TGFBR3: variants seen among roughly 807,000 people sequenced by gnomAD.
TGFBR3 encodes the protein transforming growth factor beta receptor 3, also known as transforming growth factor beta receptor type 3.
TGFBR3 carries 46 observed loss-of-function variants against 87.9 expected under a neutral mutation model. The observed-to-expected ratio is 0.52, with a 90% CI of 0.41 to 0.67. The LOEUF is 0.67. Ranked by LOEUF, TGFBR3 falls within the 30% of genes least tolerant of loss-of-function variation. The pLI, the probability that TGFBR3 is intolerant of heterozygous loss-of-function variation, is 0.00. For synonymous variants in TGFBR3, 381 were observed against 391.6 expected, an observed-to-expected ratio of 0.97 and a Z score of 0.32; for missense variants, 866 against 1,041.9, an observed-to-expected ratio of 0.83 and a Z score of 2.32.
Position 91,719,424 on chromosome 1 carries a change from G to A in TGFBR3, c.1454C>T (p.Pro485Leu). The A allele has an allele frequency of 1.2e-6, 2 of 1,614,138 alleles. No homozygotes were observed. Among genetic ancestry groups the A allele is most frequent in the Middle Eastern group, 1.6e-4 (1 of 6,062 alleles). ...GCCATTCATCTTGGCCTTGCAGGTA[G>A]GATCCAACAGGGTGACGTCCATCCC... is the stretch of plus-strand genomic sequence containing the variant. ...YSGMDVTLLDPTCKAKMNGTH... is the reference protein window; with the variant it reads ...YSGMDVTLLDLTCKAKMNGTH... The change falls in exon 10 of 17, where the codon CCT becomes CTT. Residue 485 changes from proline (P) to leucine (L), a missense_variant. Physicochemically the swap from Pro to Leu is moderately conservative, Grantham distance 98. Coordinates refer to ENST00000212355, the MANE Select transcript of TGFBR3 (RefSeq NM_003243.5).
Position 91,885,941 on chromosome 1 carries a change from T to C in TGFBR3, c.-177A>G, listed in dbSNP as rs947919386. ...AAGTTGGAGGAAAGCGGCGGCAAGT[T>C]TCCCCGCCCAGCGCTCGGCGGCGGC... On this transcript the variant is annotated 5_prime_UTR_variant, in exon 1 of 17. Coordinates refer to ENST00000212355, the MANE Select transcript of TGFBR3 (RefSeq NM_003243.5). The C allele has an allele frequency of 1.3e-5, 6 of 448,620 alleles. No homozygotes were observed. The highest frequency in any genetic ancestry group is 1.2e-4 in the Admixed American group (5 of 42,104). The allele number at this position is 448,620 out of a possible 1,614,324, so 27.8% of individuals were successfully genotyped here. A position where few individuals can be genotyped will look rare whatever the true frequency, so the allele number is the denominator to read the frequency against.
chr1:91,809,500 T>A (rs916781899), intron 2 of TGFBR3, among the ~76,000 whole-genome samples: 3 of 152,118 alleles, frequency 2.0e-5, no homozygotes, highest in Non-Finnish European at 4.4e-5. Context: ...AGTTGAATCA[T>A]CGCCTATAAC....
At chr1:91,710,946 T>C (rs1671959858) in intron 13 of TGFBR3, among the ~76,000 whole-genome samples, 1 of 152,160 alleles carries the variant, frequency 6.6e-6, no homozygotes, top group Non-Finnish European at 1.5e-5. Flanking sequence ...TTTTCCCAGA[T>C]TAACACACAT....
At chr1:91,727,594 T>C (rs1468282619) in intron 7 of TGFBR3, 65 bp downstream of exon 7, 1 of 1,600,768 alleles carries the variant, frequency 6.2e-7, no homozygotes, top group Non-Finnish European at 8.6e-7. Context: ...ATAACACTTA[T>C]AAAGTACAGC....
intron 2 of TGFBR3, among the ~76,000 whole-genome samples, chr1:91,821,419 ATG>A (rs1325246660): frequency 6.6e-6 from 1 of 152,102 alleles, no homozygotes; most frequent in African/African-American, 2.4e-5. Flanking sequence ...TACTGTGCAA[ATG>A]TGTTTTTGAA....
At position 91,681,353 on chromosome 1, in the gene TGFBR3, A is replaced by G. The variant is rs1317175187; in HGVS notation, c.*2386T>C. ...CACAGATTTCTTGATCTGAATAATA[A>G]TTCTGACAATGAGACCCAAACAAAT... is the stretch of plus-strand genomic sequence containing the variant. On this transcript the variant is annotated 3_prime_UTR_variant, in exon 17 of 17. Coordinates refer to ENST00000212355, the MANE Select transcript of TGFBR3 (RefSeq NM_003243.5). 2.3e-6 allele frequency: 1 copy of G among 442,026 alleles called. No homozygotes were observed. Among genetic ancestry groups the G allele is most frequent in the Non-Finnish European group, 4.5e-6 (1 of 223,478 alleles). The allele number at this position is 442,026 out of a possible 1,614,324, so 27.4% of individuals were successfully genotyped here.
rs148200950 is a variant in TGFBR3, at chr1:91,815,775, T to C, written c.62-18304A>G. ...ATAGAAGAGACAAATGAAATCAATC[T>C]GCTGAACAAAAAGTTTGAACTTTAA... On this transcript the variant is annotated intron_variant, in intron 2 of 16. Coordinates refer to ENST00000212355, the MANE Select transcript of TGFBR3 (RefSeq NM_003243.5). Among the ~76,000 whole-genome samples, 613 of 152,354 alleles carry C rather than the reference T, an allele frequency of 4.0e-3. 4 individuals are homozygous for C. The highest frequency in any genetic ancestry group is 5.9e-3 in the Non-Finnish European group (400 of 68,038).
intron 3 of TGFBR3, among the ~76,000 whole-genome samples, chr1:91,780,936 GATCTC>G (rs1674746839): frequency 7.1e-6 from 1 of 141,820 alleles, no homozygotes; most frequent in Non-Finnish European, 1.5e-5. Flanking sequence ...CACACACAGA[GATCTC>G]ATCTCCTGGC....
rs151120894 is a variant in TGFBR3 at position 91,846,793 on chromosome 1, T to C, written c.61+14678A>G. Among the ~76,000 whole-genome samples, 584 of 152,268 alleles carry C rather than the reference T, an allele frequency of 3.8e-3. 4 individuals carry two copies. Among genetic ancestry groups the C allele is most frequent in the South Asian group, 0.017 (81 of 4,824 alleles). ...CAAAGAGTCCTTGCATAATCCAAGA[T>C]TTCTCACTCCTATAACCTCAGTCAC... On this transcript the variant is annotated intron_variant, in intron 2 of 16. Transcript: ENST00000212355.
At chr1:91,879,485 C>T (rs964979731) in intron 1 of TGFBR3, among the ~76,000 whole-genome samples, 3 of 152,140 alleles carry the variant, frequency 2.0e-5, no homozygotes, top group Admixed American at 6.5e-5. Flanking sequence ...TTCTGGGGCT[C>T]TTGTTCTAGA....
chr1:91,829,724 C>T (rs552780338), intron 2 of TGFBR3: 175 of 152,308 alleles, frequency 1.1e-3, no homozygotes, highest in African/African-American at 4.1e-3. Flanking sequence ...AAACTCCAAA[C>T]TCAGTTGTTC....
chr1:91,839,629 T>C (rs950735528), intron 2 of TGFBR3, among the ~76,000 whole-genome samples: 5 of 152,054 alleles, frequency 3.3e-5, no homozygotes, highest in African/African-American at 1.2e-4. Context: ...ATAACCTCAA[T>C]GTAATCCTGA....
chr1:91,803,471 G>A (rs1180202408), intron 2 of TGFBR3, among the ~76,000 whole-genome samples: 1 of 152,044 alleles, frequency 6.6e-6, no homozygotes, highest in Admixed American at 6.5e-5. Flanking sequence ...ATGCTGAGGA[G>A]GGCACAGCAA....
rs185163691 is a variant in TGFBR3, at chr1:91,722,753, G to A, written c.886-609C>T. Among the ~76,000 whole-genome samples, 31 of 152,294 alleles carry A rather than the reference G, an allele frequency of 2.0e-4. No homozygotes were observed. In the East Asian group the frequency reaches 6.0e-3, roughly 29 times the overall value. On this transcript the variant is annotated intron_variant, in intron 7 of 16. Coordinates refer to ENST00000212355, the MANE Select transcript of TGFBR3 (RefSeq NM_003243.5). ...CTACACACCTAGGCTATATGGTACAGCCTACTGCTCCTAGGCTACAAACCT... is the reference window on the plus strand; with the variant it reads ...CTACACACCTAGGCTATATGGTACAACCTACTGCTCCTAGGCTACAAACCT...
intron 7 of TGFBR3, among the ~76,000 whole-genome samples, chr1:91,723,948 T>C (rs1393072873): frequency 6.6e-6 from 1 of 152,170 alleles, no homozygotes; most frequent in Non-Finnish European, 1.5e-5. Flanking sequence ...GGCTCTAAGT[T>C]CTCTTGGCCT....
chr1:91,858,927 A>C (rs775324019), intron 2 of TGFBR3, among the ~76,000 whole-genome samples: 1 of 151,680 alleles, frequency 6.6e-6, no homozygotes, highest in African/African-American at 2.4e-5. Flanking sequence ...ATGGTGGTGC[A>C]TGCCTGTAAT....
chr1:91,868,809 C>T (rs1052549667), intron 1 of TGFBR3, among the ~76,000 whole-genome samples: 5 of 152,182 alleles, frequency 3.3e-5, no homozygotes, highest in Admixed American at 1.3e-4. Flanking sequence ...CATAGTGAAA[C>T]GCTGTCTCTA....
intron 2 of TGFBR3, among the ~76,000 whole-genome samples, chr1:91,857,357 TAA>T (rs759774991): frequency 6.9e-6 from 1 of 144,320 alleles, no homozygotes; most frequent in Admixed American, 6.9e-5. Flanking sequence ...TCCATTTATT[TAA>T]AAAAAAAAAA....
At chr1:91,790,875 CT>C (rs1675161889) in intron 3 of TGFBR3, among the ~76,000 whole-genome samples, 1 of 152,132 alleles carries the variant, frequency 6.6e-6, no homozygotes, top group Non-Finnish European at 1.5e-5. Flanking sequence ...TGTATCAGTT[CT>C]TTTAGTGGTG....
Sources: gnomAD v4.1 joint callset for allele counts (sites outside exome capture counted in the v4.1 genomes callset) on GRCh38, gnomAD v4.1.1 for gene constraint, MANE v1.5 for transcripts, NCBI Gene and HGNC (gene_info 2026-07-23, HGNC 2026-07-21) for gene names.